Variants in FERMT1 observed in about 807,000 individuals in gnomAD.
FERMT1 encodes the protein FERM domain containing kindlin 1, also known as fermitin family homolog 1.
In FERMT1, 60 loss-of-function variants were observed where a neutral mutation model predicts 85.3. The ratio of observed to expected loss-of-function variants is 0.70; its 90% CI spans 0.57 to 0.87. The LOEUF (loss-of-function observed/expected upper bound fraction) is 0.87, where lower values mean the gene tolerates loss of function less well. FERMT1 is among the 40% of genes least tolerant of loss of function. The probability of loss-of-function intolerance (pLI) is 0.00; values close to 1 mark genes in which losing one functional copy is unlikely to be tolerated. For missense variants in FERMT1, 701 were observed against 818.9 expected, an observed-to-expected ratio of 0.86 and a Z score of 1.76; for synonymous variants, 275 against 301.1, an observed-to-expected ratio of 0.91 and a Z score of 0.90.
chr20:6,112,394 T>C, intron 4 of FERMT1, 83 bp downstream of exon 4: 1 of 1,340,610 alleles, frequency 7.5e-7, no homozygotes. Context: ...CTCCTTTGTT[T>C]GGTGGGGGTG....
In FERMT1 at chr20:6,107,561, A is replaced by G. The variant is rs1233753284; in HGVS notation, c.820T>C (p.Tyr274His). The change falls in exon 6 of 15, where the codon TAT (tyrosine) becomes CAT (histidine). Residue 274 changes from tyrosine (Y) to histidine (H), a missense_variant. Transcript: ENST00000217289. ...GGATTCAAGTCGAAGAAAGAATAAT[A>G]TTTAAATCGTAAGAGCAGCTGCTCA... ...EDEQLLLRFKYYSFFDLNPKY... is the reference protein window; with the variant it reads ...EDEQLLLRFKHYSFFDLNPKY... 1.9e-6 allele frequency: 3 copies of G among 1,612,442 alleles called. No individual in the cohort carries two copies. The highest frequency in any genetic ancestry group is 2.5e-6 in the Non-Finnish European group (3 of 1,178,730).
In FERMT1 at chr20:6,096,909, C is replaced by T. The variant is rs1177562517; in HGVS notation, c.1082G>A (p.Ser361Asn). The change falls in exon 8 of 15, where the codon AGC (serine) becomes AAC (asparagine). Residue 361 changes from serine (S) to asparagine (N), a missense_variant. Coordinates refer to ENST00000217289, the MANE Select transcript of FERMT1 (RefSeq NM_017671.5). ...ATCAGAAAAAGTTCATACCAAAAGG[C>T]TGTCCGCTTTTCCACCTTCTAGGGT... ...EVTLEGGKAD[S>N]LLEDITDIPK... The T allele has an allele frequency of 3.1e-6, 5 of 1,612,036 alleles. No homozygotes were observed. The highest frequency in any genetic ancestry group is 4.2e-6 in the Non-Finnish European group (5 of 1,179,060).
intron 1 of FERMT1, among the ~76,000 whole-genome samples, chr20:6,120,131 C>T (rs1983230645): frequency 6.6e-6 from 1 of 151,794 alleles, no homozygotes; most frequent in East Asian, 1.9e-4. Flanking sequence ...ATTCCTCCTA[C>T]AAAAATGTAT....
rs753266703 is a variant in FERMT1, at chr20:6,097,040, T to C, written c.958-7A>G. 3 of 1,612,694 alleles carry C rather than the reference T, an allele frequency of 1.9e-6. No homozygotes were observed. On this transcript the variant is annotated splice_region_variant and splice_polypyrimidine_tract_variant and intron_variant, in intron 7 of 14. Transcript: ENST00000217289. ...ACAGTTTGCTAATGTGGTACTAAAA[T>C]GAAAACAGACGTTTTAGAAATGTTA... is the stretch of plus-strand genomic sequence containing the variant.
intron 4 of FERMT1, among the ~76,000 whole-genome samples, chr20:6,111,770 A>G (rs895593983): frequency 6.6e-5 from 10 of 152,220 alleles, no homozygotes; most frequent in Non-Finnish European, 1.2e-4. Context: ...CTCCTCTTGC[A>G]TGCCCCATAA....
intron 13 of FERMT1, among the ~76,000 whole-genome samples, chr20:6,081,079 G>C (rs1274794987): frequency 6.6e-6 from 1 of 152,106 alleles, no homozygotes; most frequent in Admixed American, 6.6e-5. Flanking sequence ...TTGAAGCCAA[G>C]AGATTGAGAG....
intron 13 of FERMT1, among the ~76,000 whole-genome samples, chr20:6,082,209 A>G (rs1020705868): frequency 2.6e-5 from 4 of 152,228 alleles, no homozygotes; most frequent in African/African-American, 9.6e-5. Flanking sequence ...CTGGTAAAGG[A>G]GGAGTTGTCA....
intron 9 of FERMT1, among the ~76,000 whole-genome samples, chr20:6,090,081 AT>A (rs879695510): frequency 9.5e-5 from 14 of 147,480 alleles, no homozygotes; most frequent in Admixed American, 1.4e-4. Context: ...ATTTGGGGCA[AT>A]TTTTTTTTTT....
At chr20:6,087,954 G>A in intron 10 of FERMT1, 71 bp from the exon 11 acceptor site, 1 of 888,848 alleles carries the variant, frequency 1.1e-6, no homozygotes, top group Non-Finnish European at 1.9e-6. Flanking sequence ...GTGTGTATCT[G>A]AAATAAAGAC....
At chr20:6,102,216 C>T (rs1045351044) in intron 6 of FERMT1, among the ~76,000 whole-genome samples, 1 of 152,054 alleles carries the variant, frequency 6.6e-6, no homozygotes, top group Non-Finnish European at 1.5e-5. Flanking sequence ...TGCTGCATCA[C>T]AATGTTCCAG....
At chr20:6,086,308 T>C (rs1418131423) in intron 11 of FERMT1, among the ~76,000 whole-genome samples, 3 of 152,210 alleles carry the variant, frequency 2.0e-5, no homozygotes, top group Non-Finnish European at 2.9e-5. Flanking sequence ...TTTCCTATAT[T>C]ATTTGTATCC....
At chr20:6,078,397 T>A (rs1981892356) in intron 14 of FERMT1, among the ~76,000 whole-genome samples, 1 of 152,192 alleles carries the variant, frequency 6.6e-6, no homozygotes, top group Non-Finnish European at 1.5e-5. Flanking sequence ...TCTACGTCAG[T>A]GACTTTCTAT....
intron 3 of FERMT1, among the ~76,000 whole-genome samples, chr20:6,113,156 T>C (rs919831412): frequency 6.6e-6 from 1 of 152,140 alleles, no homozygotes; most frequent in Admixed American, 6.5e-5. Context: ...TGAGATCTGA[T>C]GGTTTTATAG....
intron 2 of FERMT1, among the ~76,000 whole-genome samples, chr20:6,116,841 C>T (rs115752403): frequency 1.4e-3 from 211 of 152,194 alleles, no homozygotes; most frequent in African/African-American, 3.9e-3. Context: ...AAGTTCTGTT[C>T]GCTAAAATCT....
chr20:6,083,657 C>A (rs1186163601), intron 13 of FERMT1, among the ~76,000 whole-genome samples: 7 of 108,720 alleles, frequency 6.4e-5, no homozygotes, highest in African/African-American at 2.6e-4. Flanking sequence ...AATGAGACAC[C>A]CCCCCCCCCG....
rs1349770296 is a variant in FERMT1 at position 6,075,088 on chromosome 20, G to C, written c.*2085C>G. 12 of 149,966 alleles carry C rather than the reference G, an allele frequency of 8.0e-5. 1 individual carries two copies. Among genetic ancestry groups the C allele is most frequent in the Admixed American group, 5.3e-4 (8 of 15,038 alleles). 9.3% of individuals were successfully genotyped at this position (149,966 alleles called of 1,614,324 possible). On this transcript the variant is annotated 3_prime_UTR_variant, in exon 15 of 15. Transcript: ENST00000217289. Reference sequence around the variant, plus strand: ...TTGTCACACTTGTTTATTTCTTTGGGATGTTGCTGTGTGTCATGGAAGAAA... The same window carrying C: ...TTGTCACACTTGTTTATTTCTTTGGCATGTTGCTGTGTGTCATGGAAGAAA...
intron 4 of FERMT1, among the ~76,000 whole-genome samples, chr20:6,111,022 A>T (rs917886054): frequency 6.6e-6 from 1 of 152,110 alleles, no homozygotes; most frequent in African/African-American, 2.4e-5. Flanking sequence ...CTGCAACCTC[A>T]ACCTCCCAGG....
rs570354536 is a variant in FERMT1, at chr20:6,096,227, C to T, written c.1089+675G>A. On this transcript the variant is annotated intron_variant, in intron 8 of 14. Coordinates refer to ENST00000217289, the MANE Select transcript of FERMT1 (RefSeq NM_017671.5). ...AAGTAAATAGAAATAAGGTTTTTAT[C>T]GGTAAAGAATTTTCTTGGCCGGTCA... Among the ~76,000 whole-genome samples, 11 of 152,222 alleles carry T rather than the reference C, an allele frequency of 7.2e-5. No homozygotes were observed. In the South Asian group the frequency reaches 1.2e-3, roughly 17 times the overall value.
At chr20:6,090,267 G>C (rs1230661484) in intron 9 of FERMT1, among the ~76,000 whole-genome samples, 3 of 151,978 alleles carry the variant, frequency 2.0e-5, no homozygotes, top group Non-Finnish European at 4.4e-5. Context: ...TAGAGATGGG[G>C]TTTCACTATG....
Sources: gnomAD v4.1 joint callset for allele counts (sites outside exome capture counted in the v4.1 genomes callset) on GRCh38, gnomAD v4.1.1 for gene constraint, MANE v1.5 for transcripts, NCBI Gene and HGNC (gene_info 2026-07-23, HGNC 2026-07-21) for gene names.